The following NGDN variants were observed in gnomAD, a reference collection of about 807,000 sequenced individuals.
NGDN encodes the protein neuroguidin.
NGDN carries 41 observed loss-of-function variants against 45.2 expected under a neutral mutation model. The observed-to-expected ratio is 0.91, with a 90% CI of 0.71 to 1.18. The LOEUF (loss-of-function observed/expected upper bound fraction) is 1.18, where lower values mean the gene tolerates loss of function less well. Ranked by LOEUF, NGDN falls within the 50% of genes most tolerant of loss-of-function variation. NGDN has a pLI of 0.00. For synonymous variants in NGDN, 137 were observed against 130.9 expected (o/e 1.05, Z -0.32); for missense variants, 402 against 399.9 (o/e 1.01, Z -0.05).
intron 3 of NGDN, among the ~76,000 whole-genome samples, chr14:23,473,041 C>G (rs1380411842): frequency 1.3e-5 from 2 of 152,098 alleles, no homozygotes; most frequent in African/African-American, 4.8e-5. Context: ...CCTCTGTCGC[C>G]CCGGCTGGAG....
At chr14:23,471,677 G>A (rs1893781413) in intron 3 of NGDN, 1 of 152,296 alleles carries the variant, frequency 6.6e-6, no homozygotes, top group African/African-American at 2.4e-5. Flanking sequence ...CGGGCATGAT[G>A]GCATGTGCCT....
Position 23,470,081 on chromosome 14 carries a change from C to T in NGDN, c.52C>T (p.Leu18=). The T allele has an allele frequency of 6.2e-7, 1 of 1,614,110 alleles. No individual in the cohort carries two copies. The highest frequency in any genetic ancestry group is 1.3e-5 in the African/African-American group (1 of 75,024). ...CGACCTGCCAAGTGCCGTGACACTT[C>T]TGAAAAATCTCCAGGAGCAAGTGAG... ...ESDLPSAVTL[L]KNLQEQVMAV... The change falls in exon 2 of 11, where the codon CTG becomes TTG. Residue 18 remains leucine (L), a synonymous_variant. Coordinates refer to ENST00000408901, the MANE Select transcript of NGDN (RefSeq NM_001042635.2).
intron 8 of NGDN, 91 bp downstream of exon 8, chr14:23,476,498 A>G (rs1893908060): frequency 1.8e-6 from 2 of 1,118,424 alleles, no homozygotes; most frequent in African/African-American, 3.1e-5. Context: ...TACCAAGAGA[A>G]TTAATGTTAC....
In NGDN at chr14:23,476,157, A is replaced by G. The variant is rs2295706; in HGVS notation, c.544+5A>G. 0.8 allele frequency: 1,296,824 copies of G among 1,613,832 alleles called. 523,899 individuals carry two copies. Among genetic ancestry groups the G allele is most frequent in the Non-Finnish European group, 0.83 (979,269 of 1,179,884 alleles). On this transcript the variant is annotated splice_donor_5th_base_variant and intron_variant, in intron 7 of 10. Transcript: ENST00000408901. Reference sequence around the variant, plus strand: ...GCTTGGTTCCAGTACATTATGGTATAAACTTTGGCTGCTGCCTCCTCAGCA... The same window carrying G: ...GCTTGGTTCCAGTACATTATGGTATGAACTTTGGCTGCTGCCTCCTCAGCA...
chr14:23,472,611 C>T (rs1893807825), intron 3 of NGDN, among the ~76,000 whole-genome samples: 1 of 152,202 alleles, frequency 6.6e-6, no homozygotes, highest in Non-Finnish European at 1.5e-5. Context: ...CTCTGGATCT[C>T]TCATCCCTAC....
chr14:23,472,560 C>T (rs1893806761), intron 3 of NGDN, among the ~76,000 whole-genome samples: 1 of 152,242 alleles, frequency 6.6e-6, no homozygotes, highest in African/African-American at 2.4e-5. Context: ...CTGGTAGAAC[C>T]TTCTCAGGGA....
chr14:23,476,315 T>G lies in NGDN; in HGVS notation c.621T>G (p.Arg207=). ...KRRALSSSVI[R]ELKEQYSDAP... ...GGGCATTGAGCAGCTCTGTCATTCG[T>G]GAACTTAAGGAGCAGTACTCAGATG... Residue 207 remains arginine (R), a synonymous_variant, in exon 8 of 11, where the codon CGT becomes CGG. Transcript: ENST00000408901. 6.2e-7 allele frequency: 1 copy of G among 1,614,074 alleles called. No individual in the cohort carries two copies. Among genetic ancestry groups the G allele is most frequent in the South Asian group, 1.1e-5 (1 of 91,074 alleles).
chr14:23,470,879 C>T, intron 2 of NGDN, 27 bp from the exon 3 acceptor site: 2 of 1,442,140 alleles, frequency 1.4e-6, no homozygotes, highest in East Asian at 2.5e-5. Flanking sequence ...ATAATCTAAT[C>T]ACTTGTTTTA....
chr14:23,478,392 C>T (rs545341234), downstream of NGDN: 1 of 232,268 alleles, frequency 4.3e-6, no homozygotes, highest in Non-Finnish European at 8.4e-6. Context: ...ACCCATGTTG[C>T]CACAACTTCC....
chr14:23,473,623 G>A (rs538479966), intron 3 of NGDN, among the ~76,000 whole-genome samples: 58 of 151,412 alleles, frequency 3.8e-4, no homozygotes, highest in Non-Finnish European at 4.4e-5. Flanking sequence ...TCAGGAGTTC[G>A]AGACCAGCCT....
intron 3 of NGDN, among the ~76,000 whole-genome samples, chr14:23,473,111 T>C (rs1893821522): frequency 1.3e-5 from 2 of 152,196 alleles, no homozygotes; most frequent in Non-Finnish European, 2.9e-5. Context: ...GTGATTCTCC[T>C]GCCTCAGCCT....
At chr14:23,477,481 T>A (rs1893930888) in intron 9 of NGDN, 22 bp from the exon 10 acceptor site, 1 of 1,613,984 alleles carries the variant, frequency 6.2e-7, no homozygotes, top group Non-Finnish European at 8.5e-7. Context: ...TGCCATTCCA[T>A]CACTTCTCCA....
intron 4 of NGDN, 64 bp downstream of exon 4, chr14:23,475,372 C>A: frequency 6.7e-7 from 1 of 1,489,344 alleles, no homozygotes; most frequent in South Asian, 1.2e-5. Context: ...GGGTATCACA[C>A]AGTAGCTCTC....
chr14:23,474,521 G>A (rs1474555510), intron 3 of NGDN, among the ~76,000 whole-genome samples: 1 of 151,934 alleles, frequency 6.6e-6, no homozygotes, highest in Non-Finnish European at 1.5e-5. Context: ...AGTTACTTGT[G>A]TGTTGTCTTG....
In NGDN at chr14:23,478,169, A is replaced by T; in HGVS notation, c.*143A>T. ...CTTACTAATAAAATTGATTTTGCTT[A>T]TGAATTAAAGCCCCTTTTTGCACAT... On this transcript the variant is annotated 3_prime_UTR_variant, in exon 11 of 11. Coordinates refer to ENST00000408901, the MANE Select transcript of NGDN (RefSeq NM_001042635.2). 1.3e-6 allele frequency: 1 copy of T among 784,696 alleles called. No homozygotes were observed. Among genetic ancestry groups the T allele is most frequent in the Non-Finnish European group, 2.1e-6 (1 of 487,626 alleles). The allele number at this position is 784,696 out of a possible 1,614,324, so 48.6% of individuals were successfully genotyped here. A position where few individuals can be genotyped will look rare whatever the true frequency, so the allele number is the denominator to read the frequency against.
intron 3 of NGDN, 136 bp downstream of exon 3, chr14:23,471,113 T>A (rs1893768547): frequency 1.9e-6 from 1 of 532,918 alleles, no homozygotes; most frequent in Admixed American, 4.3e-5. Context: ...TGTGCTGAAG[T>A]CTAGAGGGAA....
Position 23,475,643 on chromosome 14 carries a change from G to A in NGDN, c.367+1G>A. Reference sequence around the variant, plus strand: ...AAGACTGCAGTGACAGGCAGCCTTAGTAAGTGAGGAGACCATCATGAAGTT... The same window carrying A: ...AAGACTGCAGTGACAGGCAGCCTTAATAAGTGAGGAGACCATCATGAAGTT... On this transcript the variant is annotated splice_donor_variant, in intron 5 of 10. Coordinates refer to ENST00000408901, the MANE Select transcript of NGDN (RefSeq NM_001042635.2). LOFTEE classifies it high-confidence loss of function. The A allele has an allele frequency of 6.2e-7, 1 of 1,614,118 alleles. No homozygotes were observed. Among genetic ancestry groups the A allele is most frequent in the Non-Finnish European group, 8.5e-7 (1 of 1,179,922 alleles).
chr14:23,470,783 G>C, intron 2 of NGDN, 123 bp from the exon 3 acceptor site: 1 of 650,298 alleles, frequency 1.5e-6, no homozygotes, highest in Non-Finnish European at 2.6e-6. Context: ...TGAGAAGATA[G>C]TACTATACTT....
In NGDN at chr14:23,476,342, T is replaced by C; in HGVS notation, c.648T>C (p.Ala216=). 1.2e-6 allele frequency: 2 copies of C among 1,613,670 alleles called. No individual in the cohort carries two copies. The highest frequency in any genetic ancestry group is 1.1e-5 in the South Asian group (1 of 91,052). ...AACTTAAGGAGCAGTACTCAGATGC[T>C]CCAGAGGAAATCCGTGATGCTCGGC... is the stretch of plus-strand genomic sequence containing the variant. ...IRELKEQYSD[A]PEEIRDARHP... The change falls in exon 8 of 11, where the codon GCT becomes GCC. Residue 216 remains alanine (A), a synonymous_variant. Transcript: ENST00000408901.
Sources: gnomAD v4.1 joint callset for allele counts (sites outside exome capture counted in the v4.1 genomes callset) on GRCh38, gnomAD v4.1.1 for gene constraint, MANE v1.5 for transcripts, NCBI Gene and HGNC (gene_info 2026-07-23, HGNC 2026-07-21) for gene names.